Variants in SYNE2 observed in about 807,000 individuals in gnomAD.
SYNE2 encodes nesprin-2.
SYNE2 carries 431 observed loss-of-function variants against 856.3 expected under a neutral mutation model. That is an observed-to-expected ratio of 0.50 (90% CI 0.47 to 0.55). The LOEUF (loss-of-function observed/expected upper bound fraction) is 0.55, where lower values mean the gene tolerates loss of function less well. Among genes scored for constraint, SYNE2 ranks in the 20% least tolerant of loss-of-function variants. SYNE2 has a pLI of 0.00. For synonymous variants in SYNE2, 2,923 were observed against 2,872.3 expected (o/e 1.02, Z -0.56); for missense variants, 8,129 against 8,023.2 (o/e 1.01, Z -0.50).
rs571058409 is a variant in SYNE2, at chr14:64,208,719, C to T, written c.18202-39C>T. The T allele has an allele frequency of 8.7e-6, 14 of 1,611,732 alleles. No homozygotes were observed. The South Asian group carries it at 1.5e-4, about 18-fold the overall frequency. On this transcript the variant is annotated intron_variant, in intron 100 of 115. Coordinates refer to ENST00000555002, the MANE Select transcript of SYNE2 (RefSeq NM_182914.3). The stretch of plus-strand genomic sequence containing the variant: ...TTGATGCTGACCCTCCTGCTGCCAC[C>T]AACATCTCAAGAGGTTTCTTACTCT...
At chr14:64,016,236 T>C (rs980153026) in intron 32 of SYNE2, among the ~76,000 whole-genome samples, 28 of 152,090 alleles carry the variant, frequency 1.8e-4, no homozygotes, top group African/African-American at 6.8e-4. Flanking sequence ...AATTTCATCA[T>C]GCAGAGTGGG....
intron 45 of SYNE2, among the ~76,000 whole-genome samples, chr14:64,047,152 T>A (rs2097192011): frequency 6.6e-6 from 1 of 152,074 alleles, no homozygotes; most frequent in African/African-American, 2.4e-5. Context: ...AGAATTTTAC[T>A]GAGTGATGAA....
At chr14:63,960,184 A>G (rs749768868) in intron 8 of SYNE2, among the ~76,000 whole-genome samples, 1 of 152,246 alleles carries the variant, frequency 6.6e-6, no homozygotes, top group Non-Finnish European at 1.5e-5. Context: ...AGTTAAAGAC[A>G]GAATAACTTA....
intron 96 of SYNE2, among the ~76,000 whole-genome samples, chr14:64,185,519 CTTTTTTT>C (rs66490444): frequency 7.7e-5 from 6 of 77,478 alleles, no homozygotes; most frequent in African/African-American, 3.2e-4. Flanking sequence ...TTTTCTTTTT[CTTTTTTT>C]TTTTTTTTTT....
In SYNE2 at chr14:64,214,221, G is replaced by T; in HGVS notation, c.19084G>T (p.Glu6362Ter). 1 of 1,614,224 alleles carries T rather than the reference G, an allele frequency of 6.2e-7. No individual in the cohort carries two copies. Among genetic ancestry groups the T allele is most frequent in the Non-Finnish European group, 8.5e-7 (1 of 1,180,034 alleles). Residue 6362 changes from glutamate (E) to a stop codon, truncating the protein, a stop_gained, in exon 106 of 116, where the codon GAG (glutamate) becomes TAG (stop). Coordinates refer to ENST00000555002, the MANE Select transcript of SYNE2 (RefSeq NM_182914.3). LOFTEE classifies it high-confidence loss of function. The stretch of plus-strand genomic sequence containing the variant: ...CTTGGAAGATGAAAAGGAGGCCTCT[G>T]AGAATGAAACAGACATGGAAGACCC... ...PGLEDEKEASENETDMEDPRE... is the reference protein window; with the variant it reads ...PGLEDEKEAS
chr14:64,102,158 C>A, intron 64 of SYNE2, 116 bp downstream of exon 64: 1 of 748,846 alleles, frequency 1.3e-6, no homozygotes, highest in Non-Finnish European at 2.3e-6. Context: ...GCTCTGTCGC[C>A]CAGACTGGAG....
intron 1 of SYNE2, among the ~76,000 whole-genome samples, chr14:63,856,156 G>A (rs1241738954): frequency 2.0e-5 from 3 of 152,170 alleles, no homozygotes; most frequent in Non-Finnish European, 2.9e-5. Context: ...GTCAAGTTAA[G>A]GGAGGGTAGG....
At chr14:63,841,595 C>T (rs933779444) in intron 1 of SYNE2, among the ~76,000 whole-genome samples, 2 of 152,108 alleles carry the variant, frequency 1.3e-5, no homozygotes, top group Non-Finnish European at 2.9e-5. Flanking sequence ...GGAGCTGAAC[C>T]ATTTTGCACT....
chr14:64,106,685 C>T (rs1383188151), intron 64 of SYNE2, among the ~76,000 whole-genome samples: 1 of 152,172 alleles, frequency 6.6e-6, no homozygotes, highest in Non-Finnish European at 1.5e-5. Flanking sequence ...ATAGTTATCC[C>T]AGTCTGTCAT....
chr14:63,940,070 A>AT (rs10666086), intron 2 of SYNE2, among the ~76,000 whole-genome samples: 9,224 of 129,252 alleles, frequency 0.071, 465 homozygotes, highest in Admixed American at 0.1. Context: ...GTCTCAGTTC[A>AT]TTTTTTTTTT....
At chr14:64,175,213 G>A in intron 95 of SYNE2, 75 bp downstream of exon 95, 1 of 1,556,398 alleles carries the variant, frequency 6.4e-7, no homozygotes, top group Middle Eastern at 1.7e-4. Flanking sequence ...GTGTGAAAAT[G>A]GAAATGGTTT....
chr14:64,030,099 A>C (rs2097020689), intron 44 of SYNE2, 40 bp downstream of exon 44: 1 of 1,601,978 alleles, frequency 6.2e-7, no homozygotes, highest in African/African-American at 1.3e-5. Flanking sequence ...ATTTAAAAAA[A>C]AAAATCAGTG....
At chr14:64,036,234 ATGTTT>A (rs2097089341) in intron 45 of SYNE2, among the ~76,000 whole-genome samples, 1 of 150,242 alleles carries the variant, frequency 6.7e-6, no homozygotes, top group South Asian at 2.1e-4. Flanking sequence ...TATTCTAAGA[ATGTTT>A]TGAACTTTCT....
intron 1 of SYNE2, among the ~76,000 whole-genome samples, chr14:63,840,733 C>T (rs1890038564): frequency 6.6e-6 from 1 of 152,150 alleles, no homozygotes; most frequent in African/African-American, 2.4e-5. Flanking sequence ...ACTGTAGAGG[C>T]TGTGCGCAGT....
chr14:63,865,724 C>CTCCAA (rs1555352398), intron 1 of SYNE2, among the ~76,000 whole-genome samples: 1 of 95,354 alleles, frequency 1.0e-5, no homozygotes, highest in African/African-American at 4.2e-5. Flanking sequence ...ACCCCCCCCC[C>CTCCAA]AAAAAAAAAG....
intron 2 of SYNE2, among the ~76,000 whole-genome samples, chr14:63,926,408 C>T (rs552158142): frequency 4.9e-4 from 74 of 152,234 alleles, no homozygotes; most frequent in African/African-American, 1.6e-3. Context: ...GTAGACTAAA[C>T]GTAGTCTATG....
chr14:63,915,233 G>C (rs2095520462), intron 2 of SYNE2, among the ~76,000 whole-genome samples: 1 of 152,214 alleles, frequency 6.6e-6, no homozygotes, highest in Non-Finnish European at 1.5e-5. Flanking sequence ...TTAAAAGCAT[G>C]ATGCAGGTGG....
chr14:64,014,990 CACATAT>C (rs1567055738), intron 32 of SYNE2, among the ~76,000 whole-genome samples: 3 of 135,740 alleles, frequency 2.2e-5, no homozygotes, highest in African/African-American at 8.6e-5. Context: ...CACACACACA[CACATAT>C]ATAAATATAT....
chr14:63,870,713 G>C (rs1324876918), intron 1 of SYNE2, among the ~76,000 whole-genome samples: 1 of 150,680 alleles, frequency 6.6e-6, no homozygotes, highest in Non-Finnish European at 1.5e-5. Flanking sequence ...GGCAAAGCTA[G>C]AATTTGAACC....
Sources: gnomAD v4.1 joint callset for allele counts (sites outside exome capture counted in the v4.1 genomes callset) on GRCh38, gnomAD v4.1.1 for gene constraint, MANE v1.5 for transcripts, NCBI Gene and HGNC (gene_info 2026-07-23, HGNC 2026-07-21) for gene names.